The following MYO1D variants were observed in gnomAD, a reference collection of about 807,000 sequenced individuals.
The protein encoded by MYO1D is unconventional myosin-Id.
MYO1D carries 83 observed loss-of-function variants against 122.0 expected under a neutral mutation model. That is an observed-to-expected ratio of 0.68 (90% CI 0.57 to 0.82). The LOEUF is 0.82. Among genes scored for constraint, MYO1D ranks in the 40% least tolerant of loss-of-function variants. The pLI is 0.00. For missense variants in MYO1D, 1,157 were observed against 1,269.5 expected (o/e 0.91, Z 1.35); for synonymous variants, 464 against 446.9 (o/e 1.04, Z -0.48).
intron 21 of MYO1D, among the ~76,000 whole-genome samples, chr17:32,567,856 G>A (rs1158708878): frequency 6.6e-6 from 1 of 152,182 alleles, no homozygotes; most frequent in Admixed American, 6.5e-5. Context: ...CACTGCTACA[G>A]GTTCAGTCTC....
At chr17:32,793,715 C>T (rs964338799) in intron 1 of MYO1D, among the ~76,000 whole-genome samples, 2 of 152,170 alleles carry the variant, frequency 1.3e-5, no homozygotes, top group Admixed American at 6.5e-5. Context: ...CCAGGCCCAT[C>T]GATAGCAGAG....
chr17:32,790,811 C>T (rs2090342983), intron 1 of MYO1D, among the ~76,000 whole-genome samples: 2 of 152,204 alleles, frequency 1.3e-5, no homozygotes, highest in African/African-American at 4.8e-5. Flanking sequence ...GGTATGCACA[C>T]ACACACATTT....
chr17:32,496,126 G>T (rs1325483423), intron 21 of MYO1D: 1 of 152,310 alleles, frequency 6.6e-6, no homozygotes, highest in Admixed American at 6.5e-5. Flanking sequence ...TGCCCGGGAG[G>T]CGCAACTGCT....
At chr17:32,858,607 C>T (rs1259474140) in intron 1 of MYO1D, among the ~76,000 whole-genome samples, 1 of 152,134 alleles carries the variant, frequency 6.6e-6, no homozygotes, top group Non-Finnish European at 1.5e-5. Flanking sequence ...CTCATTGCAC[C>T]TGATCACATG....
intron 19 of MYO1D, among the ~76,000 whole-genome samples, chr17:32,650,963 G>A (rs1201791375): frequency 6.6e-6 from 1 of 152,116 alleles, no homozygotes; most frequent in African/African-American, 2.4e-5. Context: ...GATGTCATAT[G>A]TTGTGAATTT....
chr17:32,583,353 T>C (rs2087358649), intron 21 of MYO1D, among the ~76,000 whole-genome samples: 1 of 152,204 alleles, frequency 6.6e-6, no homozygotes. Flanking sequence ...TGTAGTTTTC[T>C]TCATGATTTT....
intron 2 of MYO1D, among the ~76,000 whole-genome samples, chr17:32,778,957 C>T (rs1410650167): frequency 6.6e-6 from 1 of 152,054 alleles, no homozygotes; most frequent in Non-Finnish European, 1.5e-5. Flanking sequence ...TTCATATAAT[C>T]TTATTTTCTA....
chr17:32,821,293 G>C lies in MYO1D; in HGVS notation c.96-40509C>G, dbSNP rs1408849293. ...AAGCTGGGGGGAAAATGATGTAGGT[G>C]GTGGGCAGGAATAATTAGTCATTCA... On this transcript the variant is annotated intron_variant, in intron 1 of 21. Coordinates refer to ENST00000318217, the MANE Select transcript of MYO1D (RefSeq NM_015194.3). Among the ~76,000 whole-genome samples the C allele has an allele frequency of 2.0e-5, 3 of 152,096 alleles. No homozygotes were observed. In the East Asian group the frequency reaches 5.8e-4, roughly 29 times the overall value.
At chr17:32,866,296 TTCTC>T (rs1485162630) in intron 1 of MYO1D, among the ~76,000 whole-genome samples, 2 of 152,164 alleles carry the variant, frequency 1.3e-5, no homozygotes, top group South Asian at 2.1e-4. Flanking sequence ...GAAAAAAAAA[TTCTC>T]TCTCTCTTCT....
intron 20 of MYO1D, among the ~76,000 whole-genome samples, chr17:32,607,066 A>C (rs1374694435): frequency 6.6e-6 from 1 of 152,194 alleles, no homozygotes. Context: ...AGGCTGAGGC[A>C]GGAGAATCGT....
At chr17:32,843,071 G>A (rs939539880) in intron 1 of MYO1D, among the ~76,000 whole-genome samples, 1 of 151,784 alleles carries the variant, frequency 6.6e-6, no homozygotes, top group Non-Finnish European at 1.5e-5. Context: ...TGTATTTTTA[G>A]TAGAGACAGG....
At chr17:32,740,389 C>T (rs9908353) in intron 13 of MYO1D, among the ~76,000 whole-genome samples, 72,185 of 151,950 alleles carry the variant, frequency 0.48, 17,422 homozygotes, top group East Asian at 0.73. Context: ...TAAGATAATA[C>T]GTTAAATAGC....
In MYO1D at chr17:32,693,503, CT is replaced by C. The variant is rs575771626; in HGVS notation, c.2121+18484del. On this transcript the variant is annotated intron_variant, in intron 16 of 21. Transcript: ENST00000318217. ...AAAGAATAAAAGTGGTATTTCCCCT[CT>C]TTTTTCACCTAACATAGGAAATGTT... 2.0e-3 allele frequency among the ~76,000 whole-genome samples: 309 copies of C among 152,202 alleles called. 3 individuals carry two copies. Among genetic ancestry groups the C allele is most frequent in the African/African-American group, 7.2e-3 (301 of 41,538 alleles).
At chr17:32,514,763 A>T (rs966782128) in intron 21 of MYO1D, among the ~76,000 whole-genome samples, 1 of 152,258 alleles carries the variant, frequency 6.6e-6, no homozygotes, top group South Asian at 2.1e-4. Flanking sequence ...GTTATAACAC[A>T]TCCGGGAGTC....
intron 1 of MYO1D, among the ~76,000 whole-genome samples, chr17:32,819,549 C>G (rs2090642598): frequency 6.6e-6 from 1 of 152,134 alleles, no homozygotes; most frequent in African/African-American, 2.4e-5. Flanking sequence ...TTTATATATA[C>G]TTATGAACTT....
chr17:32,791,570 C>A (rs1019387683), intron 1 of MYO1D, among the ~76,000 whole-genome samples: 1 of 152,082 alleles, frequency 6.6e-6, no homozygotes, highest in Non-Finnish European at 1.5e-5. Context: ...CCAATTTATT[C>A]TCCAATGGTT....
At chr17:32,628,196 T>A (rs1001505079) in intron 20 of MYO1D, among the ~76,000 whole-genome samples, 1 of 152,244 alleles carries the variant, frequency 6.6e-6, no homozygotes, top group Admixed American at 6.5e-5. Flanking sequence ...TTAACAATTT[T>A]ACAACTAATG....
At chr17:32,513,205 G>A (rs1909756550) in intron 21 of MYO1D, among the ~76,000 whole-genome samples, 1 of 152,194 alleles carries the variant, frequency 6.6e-6, no homozygotes, top group Non-Finnish European at 1.5e-5. Flanking sequence ...TAAACTAGGA[G>A]GTATGGCAGA....
intron 21 of MYO1D, among the ~76,000 whole-genome samples, chr17:32,601,739 T>C (rs1044954692): frequency 2.7e-4 from 41 of 152,190 alleles, no homozygotes; most frequent in African/African-American, 9.9e-4. Context: ...ATAGACTTGA[T>C]CAATGCAGGG....
Sources: allele counts gnomAD v4.1 joint callset (sites outside exome capture counted in the v4.1 genomes callset), GRCh38; gene constraint gnomAD v4.1.1; transcripts MANE v1.5; gene names NCBI Gene and HGNC (gene_info 2026-07-23, HGNC 2026-07-21).